WASHC5: variants seen among roughly 807,000 people sequenced by gnomAD.
The protein encoded by WASHC5 is WASH complex subunit strumpellin.
Under a neutral mutation model 150.4 loss-of-function variants are expected in WASHC5, and 101 were observed. The ratio of observed to expected loss-of-function variants is 0.67; its 90% CI spans 0.57 to 0.79. WASHC5 has a LOEUF of 0.79. WASHC5 is among the 30% of genes least tolerant of loss of function. The pLI, the probability that WASHC5 is intolerant of heterozygous loss-of-function variation, is 0.00. For synonymous variants in WASHC5, 467 were observed against 491.2 expected (o/e 0.95, Z 0.65); for missense variants, 1,195 against 1,396.3 (o/e 0.86, Z 2.30).
At chr8:125,060,598 A>G (rs972904436) in intron 12 of WASHC5, among the ~76,000 whole-genome samples, 5 of 152,138 alleles carry the variant, frequency 3.3e-5, no homozygotes, top group Non-Finnish European at 7.3e-5. Context: ...TTTTTTTGGT[A>G]CAATCATTTT....
intron 17 of WASHC5, among the ~76,000 whole-genome samples, chr8:125,053,471 C>T (rs1487318308): frequency 6.6e-6 from 1 of 152,100 alleles, no homozygotes; most frequent in Non-Finnish European, 1.5e-5. Context: ...ATCCTTCTTA[C>T]AGTGGTCACT....
intron 1 of WASHC5, among the ~76,000 whole-genome samples, chr8:125,084,472 G>C (rs776658540): frequency 6.6e-6 from 1 of 152,220 alleles, no homozygotes; most frequent in Non-Finnish European, 1.5e-5. Flanking sequence ...CTTAAGGTAA[G>C]AACATGTCCA....
At chr8:125,031,258 CTTAG>C (rs1050662104) in intron 27 of WASHC5, among the ~76,000 whole-genome samples, 34 of 152,040 alleles carry the variant, frequency 2.2e-4, no homozygotes, top group African/African-American at 8.2e-4. Context: ...TTTGTGTGGA[CTTAG>C]AAGATCACTT....
chr8:125,083,329 T>C (rs1817327081), intron 2 of WASHC5, 71 bp from the exon 3 acceptor site: 1 of 1,465,396 alleles, frequency 6.8e-7, no homozygotes, highest in Non-Finnish European at 9.5e-7. Context: ...AAATAGTCTT[T>C]TAAAAATTTG....
chr8:125,085,863 C>T (rs768895682), intron 1 of WASHC5, among the ~76,000 whole-genome samples: 22 of 152,208 alleles, frequency 1.4e-4, no homozygotes, highest in East Asian at 3.8e-4. Flanking sequence ...TGTCTCATTA[C>T]GCTACTCCTT....
At chr8:125,080,902 CAA>C (rs1412624889) in intron 5 of WASHC5, among the ~76,000 whole-genome samples, 1 of 152,176 alleles carries the variant, frequency 6.6e-6, no homozygotes, top group East Asian at 1.9e-4. Flanking sequence ...GACAACTTTT[CAA>C]AGTCATCAAA....
intron 23 of WASHC5, among the ~76,000 whole-genome samples, 185 bp downstream of exon 23, chr8:125,043,640 C>G (rs922351779): frequency 3.9e-5 from 6 of 152,162 alleles, no homozygotes; most frequent in Non-Finnish European, 7.4e-5. Flanking sequence ...AAAGCCTAAT[C>G]AAGAACAGAT....
chr8:125,091,454 G>A (rs1190815780), intron 1 of WASHC5, among the ~76,000 whole-genome samples, 161 bp downstream of exon 1: 2 of 152,154 alleles, frequency 1.3e-5, no homozygotes, highest in African/African-American at 4.8e-5. Flanking sequence ...ACGAAGAGCT[G>A]GATTACAGCC....
Position 125,024,476 on chromosome 8 carries a change from C to T in WASHC5, c.*141G>A. 1.4e-6 allele frequency: 1 copy of T among 718,006 alleles called. No individual in the cohort carries two copies. The highest frequency in any genetic ancestry group is 2.6e-6 in the Non-Finnish European group (1 of 388,298). The allele number at this position is 718,006 out of a possible 1,614,324, so 44.5% of individuals were successfully genotyped here. A position where few individuals can be genotyped will look rare whatever the true frequency, so the allele number is the denominator to read the frequency against. Reference sequence around the variant, plus strand: ...AACTAATGCCATGAGATATATCTTACTCAGAACGTCTGATGTTTCCCATAA... The same window carrying T: ...AACTAATGCCATGAGATATATCTTATTCAGAACGTCTGATGTTTCCCATAA... On this transcript the variant is annotated 3_prime_UTR_variant, in exon 29 of 29. Transcript: ENST00000318410.
intron 1 of WASHC5, among the ~76,000 whole-genome samples, chr8:125,084,930 G>A (rs1441079338): frequency 6.6e-6 from 1 of 152,226 alleles, no homozygotes. Context: ...TGATTCTGAT[G>A]TGAAGCCAGG....
At chr8:125,032,580 G>T (rs1286499756) in intron 26 of WASHC5, 186 bp from the exon 27 acceptor site, 4 of 673,946 alleles carry the variant, frequency 5.9e-6, no homozygotes, top group Non-Finnish European at 1.0e-5. Context: ...CATTCCAGGG[G>T]TCTGAAGGAT....
intron 10 of WASHC5, among the ~76,000 whole-genome samples, chr8:125,066,594 A>T (rs756953410): frequency 6.6e-6 from 1 of 152,182 alleles, no homozygotes; most frequent in African/African-American, 2.4e-5. Flanking sequence ...TACAAATGCA[A>T]ATCACCCACC....
At position 125,063,576 on chromosome 8, in the gene WASHC5, C is replaced by T; in HGVS notation, c.1354G>A (p.Glu452Lys). 1 of 1,613,936 alleles carries T rather than the reference C, an allele frequency of 6.2e-7. No homozygotes were observed. The highest frequency in any genetic ancestry group is 8.5e-7 in the Non-Finnish European group (1 of 1,179,872). The change falls in exon 11 of 29, where the codon GAG becomes AAG. Residue 452 changes from glutamate (E) to lysine (K), a missense_variant. Glu to Lys is a moderately conservative substitution (Grantham distance 56). Around this residue, in one of 3 missense-constraint regions of WASHC5, gnomAD observed 997 missense variants for 1,168.1 expected, o/e 0.85. Transcript: ENST00000318410. ...ACTCCTGAAAAGACATCAGCAAGCT[C>T]AGTCATCCGCTCCGAACCCTCTTTC... The part of the protein sequence containing the change: ...YKKEGSERMT[E>K]LADVFSGVKP...
chr8:125,032,837 T>C, intron 26 of WASHC5: 1 of 198,650 alleles, frequency 5.0e-6, no homozygotes, highest in Non-Finnish European at 1.0e-5. Flanking sequence ...GAGTAATATA[T>C]ATACATAAAG....
At chr8:125,053,186 A>C (rs1270729244) in intron 17 of WASHC5, among the ~76,000 whole-genome samples, 3 of 151,918 alleles carry the variant, frequency 2.0e-5, no homozygotes, top group African/African-American at 7.3e-5. Context: ...ATATCAACCA[A>C]ACTGAACCTA....
chr8:125,079,142 A>ATATACAT (rs1312566224), intron 5 of WASHC5, among the ~76,000 whole-genome samples: 6 of 108,232 alleles, frequency 5.5e-5, no homozygotes, highest in Admixed American at 3.5e-4. Context: ...ATATATATAC[A>ATATACAT]TTTTTTTTTG....
chr8:125,066,873 C>T (rs1455839606), intron 10 of WASHC5, among the ~76,000 whole-genome samples: 2 of 152,218 alleles, frequency 1.3e-5, no homozygotes, highest in Admixed American at 6.5e-5. Context: ...CAGATCCCTT[C>T]CCCAGGCCCC....
intron 6 of WASHC5, among the ~76,000 whole-genome samples, chr8:125,078,510 A>G (rs181501897): frequency 6.6e-6 from 1 of 152,214 alleles, no homozygotes; most frequent in African/African-American, 2.4e-5. Flanking sequence ...AAAAGAATGC[A>G]TCTTCTTCCC....
At chr8:125,031,258 C>T (rs1815526400) in intron 27 of WASHC5, among the ~76,000 whole-genome samples, 1 of 152,040 alleles carries the variant, frequency 6.6e-6, no homozygotes, top group African/African-American at 2.4e-5. Context: ...TTTGTGTGGA[C>T]TTAGAAGATC....
Sources: gnomAD v4.1 joint callset for allele counts (sites outside exome capture counted in the v4.1 genomes callset) on GRCh38, gnomAD v4.1.1 for gene constraint, gnomAD v4.1.1 regional missense constraint, MANE v1.5 for transcripts, NCBI Gene and HGNC (gene_info 2026-07-23, HGNC 2026-07-21) for gene names.